ZNF141: variants seen among roughly 807,000 people sequenced by gnomAD.
ZNF141 encodes the protein zinc finger protein 141 (clone pHZ-44).
ZNF141 carries 7 observed loss-of-function variants against 11.3 expected under a neutral mutation model. That is an observed-to-expected ratio of 0.62 (90% CI 0.35 to 1.16). The LOEUF (loss-of-function observed/expected upper bound fraction) is 1.16, where lower values mean the gene tolerates loss of function less well. Ranked by LOEUF, ZNF141 falls within the 50% of genes most tolerant of loss-of-function variation. The pLI, the probability that ZNF141 is intolerant of heterozygous loss-of-function variation, is 0.02. For missense variants in ZNF141, 535 were observed against 554.0 expected, an observed-to-expected ratio of 0.97 and a Z score of 0.34; for synonymous variants, 183 against 190.7, an observed-to-expected ratio of 0.96 and a Z score of 0.33.
chr4:367,385 T>C (rs1187751795), intron 3 of ZNF141, among the ~76,000 whole-genome samples: 5 of 152,220 alleles, frequency 3.3e-5, no homozygotes, highest in Non-Finnish European at 4.4e-5. Flanking sequence ...TACTTTCTAT[T>C]TATTTGTAAA....
At chr4:361,727 A>ATAGT (rs1248808255) in intron 3 of ZNF141, among the ~76,000 whole-genome samples, 1 of 152,174 alleles carries the variant, frequency 6.6e-6, no homozygotes, top group Non-Finnish European at 1.5e-5. Flanking sequence ...TTATGGCTGC[A>ATAGT]TAGTATTCCA....
Position 350,317 on chromosome 4 carries a change from ACTT to A in ZNF141, c.226+5890_226+5892del, listed in dbSNP as rs567868725. On this transcript the variant is annotated intron_variant, in intron 3 of 3. Coordinates refer to ENST00000240499, the MANE Select transcript of ZNF141 (RefSeq NM_003441.4). ...CCTAACCATAGGCAAGCACCTTTCT[ACTT>A]CTGCTTTCTATGTGCTTACTACTTA... 188 of 453,708 alleles carry A rather than the reference ACTT, an allele frequency of 4.1e-4. 4 individuals are homozygous for A. Among genetic ancestry groups the A allele is most frequent in the South Asian group, 2.8e-3 (183 of 64,498 alleles). 28.1% of individuals were successfully genotyped at this position (453,708 alleles called of 1,614,324 possible).
At position 379,558 on chromosome 4, in the gene ZNF141, A is replaced by AT. The variant is rs1712524187; in HGVS notation, c.*5696_*5697insT. Among the ~76,000 whole-genome samples, 1 of 151,976 alleles carries AT rather than the reference A, an allele frequency of 6.6e-6. No individual in the cohort carries two copies. On this transcript the variant is annotated 3_prime_UTR_variant, in exon 4 of 4. Coordinates refer to ENST00000240499, the MANE Select transcript of ZNF141 (RefSeq NM_003441.4). ...CCTGGCTAATTTTTATATTGTTAGT[A>AT]GAGATGCGGTTTGACTATGTTGGCC...
chr4:357,711 T>C (rs932069645), intron 3 of ZNF141, among the ~76,000 whole-genome samples: 23 of 147,018 alleles, frequency 1.6e-4, no homozygotes, highest in Non-Finnish European at 2.0e-4. Flanking sequence ...TTTTTTCTTT[T>C]TTTTTTTTTT....
Position 381,946 on chromosome 4 carries a change from C to CTTTTTTTTTTTTTTTTTTTT in ZNF141, c.*8103_*8104insTTTTTTTTTTTTTTTTTTTT, listed in dbSNP as rs34905613. On this transcript the variant is annotated 3_prime_UTR_variant, in exon 4 of 4. Transcript: ENST00000240499. ...CTAGGGCCACCACCATCTCTGGGAA[C>CTTTTTTTTTTTTTTTTTTTT]TTTTTTTTTTTTTTTTTTTGAGACG... Among the ~76,000 whole-genome samples, 718 of 105,874 alleles carry CTTTTTTTTTTTTTTTTTTTT rather than the reference C, an allele frequency of 6.8e-3. 67 individuals carry two copies. The highest frequency in any genetic ancestry group is 0.019 in the African/African-American group (431 of 22,406). 69.5% of individuals were successfully genotyped at this position (105,874 alleles called of 152,430 possible). A position where few individuals can be genotyped will look rare whatever the true frequency, so the allele number is the denominator to read the frequency against.
intron 3 of ZNF141, among the ~76,000 whole-genome samples, chr4:348,930 G>C (rs1363052534): frequency 1.3e-5 from 2 of 152,050 alleles, no homozygotes; most frequent in African/African-American, 4.8e-5. Flanking sequence ...GACAATATTA[G>C]TTATCCTAAT....
intron 3 of ZNF141, among the ~76,000 whole-genome samples, chr4:351,320 G>A (rs1721592164): frequency 1.3e-5 from 2 of 149,960 alleles, no homozygotes; most frequent in African/African-American, 2.5e-5. Flanking sequence ...TGCAATGTCC[G>A]CCTCCCAGGT....
rs568102384 is a variant in ZNF141 at position 378,471 on chromosome 4, T to C, written c.*4609T>C. On this transcript the variant is annotated 3_prime_UTR_variant, in exon 4 of 4. Transcript: ENST00000240499. ...TTTTAGTAGAGATGGGGTTTCACCA[T>C]GTTGGCCAGGATGGTCTCGATCTTT... is the stretch of plus-strand genomic sequence containing the variant. Among the ~76,000 whole-genome samples the C allele has an allele frequency of 6.6e-6, 1 of 152,204 alleles. No individual in the cohort carries two copies. The highest frequency in any genetic ancestry group is 2.4e-5 in the African/African-American group (1 of 41,548).
chr4:350,588 C>T (rs782481703), intron 3 of ZNF141, among the ~76,000 whole-genome samples: 6 of 152,152 alleles, frequency 3.9e-5, no homozygotes, highest in Non-Finnish European at 5.9e-5. Flanking sequence ...TGTCCCCATT[C>T]AAATCTCATG....
Position 380,231 on chromosome 4 carries a change from T to G in ZNF141, c.*6369T>G, listed in dbSNP as rs1433649871. Among the ~76,000 whole-genome samples the G allele has an allele frequency of 6.6e-6, 1 of 152,262 alleles. No individual in the cohort carries two copies. Among genetic ancestry groups the G allele is most frequent in the Non-Finnish European group, 1.5e-5 (1 of 68,040 alleles). ...TTTTTGGAAAAATACATTCATTTCT[T>G]GGTTGAAAAACTCACGTGATGAGAA... On this transcript the variant is annotated 3_prime_UTR_variant, in exon 4 of 4. Transcript: ENST00000240499.
At chr4:357,783 TGCA>T (rs1721915248) in intron 3 of ZNF141, among the ~76,000 whole-genome samples, 1 of 150,924 alleles carries the variant, frequency 6.6e-6, no homozygotes, top group African/African-American at 2.4e-5. Flanking sequence ...CTTGGCTCAC[TGCA>T]GCTTGCGCCT....
At position 382,327 on chromosome 4, in the gene ZNF141, G is replaced by A. The variant is rs1233794663; in HGVS notation, c.*8465G>A. Among the ~76,000 whole-genome samples, 1 of 152,086 alleles carries A rather than the reference G, an allele frequency of 6.6e-6. No homozygotes were observed. The highest frequency in any genetic ancestry group is 1.9e-4 in the East Asian group (1 of 5,182). On this transcript the variant is annotated 3_prime_UTR_variant, in exon 4 of 4. Transcript: ENST00000240499. ...AATGTGGGGTCTTAGAAAACATCTT[G>A]TCCCTTCGAAGCATACTCTGCTGGT...
Position 382,766 on chromosome 4 carries a change from G to A in ZNF141, c.*8904G>A, listed in dbSNP as rs1208116540. 6.0e-6 allele frequency: 1 copy of A among 167,166 alleles called. No homozygotes were observed. Among genetic ancestry groups the A allele is most frequent in the Non-Finnish European group, 1.3e-5 (1 of 77,692 alleles). 10.4% of individuals were successfully genotyped at this position (167,166 alleles called of 1,614,324 possible). A position where few individuals can be genotyped will look rare whatever the true frequency, so the allele number is the denominator to read the frequency against. ...AGCCCCTTGAAGGTCCAGGAAACCT[G>A]GCTGAGTAGTGTGGTCTATGGAGGT... On this transcript the variant is annotated 3_prime_UTR_variant, in exon 4 of 4. Transcript: ENST00000240499.
chr4:347,099 A>C (rs1721365705), intron 3 of ZNF141, among the ~76,000 whole-genome samples: 1 of 148,388 alleles, frequency 6.7e-6, no homozygotes, highest in Non-Finnish European at 1.5e-5. Context: ...GTGCAGTGGC[A>C]CGCTGTTGGC....
intron 3 of ZNF141, among the ~76,000 whole-genome samples, chr4:359,612 G>A (rs1229878101): frequency 6.6e-6 from 1 of 152,098 alleles, no homozygotes; most frequent in Non-Finnish European, 1.5e-5. Flanking sequence ...ACTGGAGCTT[G>A]GTTATAGGAC....
chr4:346,198 A>G (rs1431653635), intron 3 of ZNF141, among the ~76,000 whole-genome samples: 1 of 152,242 alleles, frequency 6.6e-6, no homozygotes, highest in Non-Finnish European at 1.5e-5. Context: ...AGAGTTTAAA[A>G]GATAACGAGT....
At chr4:361,385 CTG>C (rs1722103999) in intron 3 of ZNF141, among the ~76,000 whole-genome samples, 1 of 132,920 alleles carries the variant, frequency 7.5e-6, no homozygotes. Context: ...GAATATCTTT[CTG>C]TTTTTTTTTT....
intron 3 of ZNF141, among the ~76,000 whole-genome samples, chr4:355,968 T>C (rs1192988053): frequency 6.6e-6 from 1 of 152,032 alleles, no homozygotes; most frequent in Non-Finnish European, 1.5e-5. Context: ...CACAGTGGCT[T>C]ACACCTGTAA....
chr4:367,825 C>G (rs1711823877), intron 3 of ZNF141, among the ~76,000 whole-genome samples: 1 of 152,134 alleles, frequency 6.6e-6, no homozygotes, highest in African/African-American at 2.4e-5. Flanking sequence ...ATCTTAAATA[C>G]TGTTTTTTTC....
Sources: allele counts gnomAD v4.1 joint callset (sites outside exome capture counted in the v4.1 genomes callset), GRCh38; gene constraint gnomAD v4.1.1; transcripts MANE v1.5; gene names NCBI Gene and HGNC (gene_info 2026-07-23, HGNC 2026-07-21).